The following COPG2 variants were observed in gnomAD, a reference collection of about 807,000 sequenced individuals.
The protein encoded by COPG2 is coat protein complex I subunit gamma 2.
COPG2 carries 37 observed loss-of-function variants against 46.3 expected under a neutral mutation model. The observed-to-expected ratio is 0.80, with a 90% CI of 0.61 to 1.05. COPG2 has a LOEUF of 1.05. Ranked by LOEUF, COPG2 falls within the 50% of genes least tolerant of loss-of-function variation. The pLI is 0.00. For synonymous variants in COPG2, 159 were observed against 129.7 expected (o/e 1.23, Z -1.53); for missense variants, 427 against 387.8 (o/e 1.10, Z -0.85).
At chr7:130,641,175 CAAAAAAAAAAA>C (rs34617870) in intron 5 of COPG2, among the ~76,000 whole-genome samples, 1 of 87,952 alleles carries the variant, frequency 1.1e-5, no homozygotes, top group African/African-American at 5.5e-5. Context: ...CCCTACCTCT[CAAAAAAAAAAA>C]AAAAAAAAAG....
intron 9 of COPG2, among the ~76,000 whole-genome samples, chr7:130,568,135 C>T (rs1018961201): frequency 6.6e-6 from 1 of 152,056 alleles, no homozygotes; most frequent in Non-Finnish European, 1.5e-5. Context: ...ATTAGCTGGG[C>T]ATGGTGGTGG....
chr7:130,512,052 T>TAAAAAAAAAA (rs1182017221), intron 20 of COPG2, among the ~76,000 whole-genome samples: 5 of 99,152 alleles, frequency 5.0e-5, no homozygotes, highest in African/African-American at 2.3e-4. Flanking sequence ...CTGTGTCTTC[T>TAAAAAAAAAA]AAAAAAAAAA....
intron 9 of COPG2, among the ~76,000 whole-genome samples, chr7:130,580,603 A>C (rs1396083248): frequency 1.7e-4 from 20 of 116,386 alleles, no homozygotes; most frequent in Non-Finnish European, 3.1e-4. Context: ...CGCTAGCAAG[A>C]CTAATAAAGA....
At chr7:130,646,983 GTATATATATATATGTGTATATATATA>G (rs1795616190) in intron 5 of COPG2, among the ~76,000 whole-genome samples, 2 of 18,444 alleles carry the variant, frequency 1.1e-4, no homozygotes, top group South Asian at 0.025. Flanking sequence ...ATATATATAT[GTATATATATATATGTGTATATATATA>G]TGTATATATA....
rs1188339782 is a variant in COPG2 at position 130,586,963 on chromosome 7, T to A, written c.738-22570A>T. On this transcript the variant is annotated intron_variant, in intron 9 of 23. Transcript: ENST00000425248. ...TTTTAAAAGCAGTTTATAAATTACA[T>A]ATAATTCCTATCCTTTAATATTAAC... Among the ~76,000 whole-genome samples, 3 of 151,980 alleles carry A rather than the reference T, an allele frequency of 2.0e-5. 1 individual carries two copies. Among genetic ancestry groups the A allele is most frequent in the Non-Finnish European group, 4.4e-5 (3 of 67,974 alleles).
At chr7:130,627,853 T>A (rs942137462) in intron 5 of COPG2, among the ~76,000 whole-genome samples, 28 of 152,264 alleles carry the variant, frequency 1.8e-4, no homozygotes, top group African/African-American at 6.7e-4. Flanking sequence ...GCAGTTTTTC[T>A]TTTTACTCAA....
chr7:130,641,175 C>CAAAAAAAAAA, intron 5 of COPG2, among the ~76,000 whole-genome samples: 1 of 87,926 alleles, frequency 1.1e-5, no homozygotes, highest in Non-Finnish European at 2.0e-5. Context: ...CCCTACCTCT[C>CAAAAAAAAAA]AAAAAAAAAA....
intron 5 of COPG2, among the ~76,000 whole-genome samples, chr7:130,629,336 G>A (rs1166096376): frequency 6.6e-6 from 1 of 151,568 alleles, no homozygotes; most frequent in Non-Finnish European, 1.5e-5. Context: ...GGAAAAAAAT[G>A]GCCATTATTA....
chr7:130,541,100 AGGCATCAGGGTCAAGACTGTCAGGTGTG>A (rs1799931719), intron 20 of COPG2, among the ~76,000 whole-genome samples: 1 of 152,182 alleles, frequency 6.6e-6, no homozygotes, highest in Non-Finnish European at 1.5e-5. Flanking sequence ...GGGCTGATGG[AGGCATCAGGGTCAAGACTGTCAGGTGTG>A]GGAACACAGT....
intron 5 of COPG2, among the ~76,000 whole-genome samples, chr7:130,626,944 C>T (rs1795131342): frequency 6.6e-6 from 1 of 152,108 alleles, no homozygotes; most frequent in Admixed American, 6.5e-5. Context: ...AGTGCAGTAG[C>T]ACGATACTGG....
At chr7:130,631,122 T>G (rs1795219767) in intron 5 of COPG2, among the ~76,000 whole-genome samples, 1 of 152,096 alleles carries the variant, frequency 6.6e-6, no homozygotes, top group Non-Finnish European at 1.5e-5. Context: ...ATCTTGCTAT[T>G]TCTTTTCCAT....
chr7:130,648,901 T>C (rs1239090324), intron 5 of COPG2, among the ~76,000 whole-genome samples: 2 of 152,206 alleles, frequency 1.3e-5, no homozygotes, highest in Non-Finnish European at 2.9e-5. Context: ...CTTCATCCTC[T>C]CATTTCTTTT....
chr7:130,603,213 C>T (rs1794670410), intron 9 of COPG2, among the ~76,000 whole-genome samples: 1 of 152,064 alleles, frequency 6.6e-6, no homozygotes, highest in Non-Finnish European at 1.5e-5. Context: ...ACTTTCAATA[C>T]CACAGGTTAG....
chr7:130,622,575 A>G (rs370209481), intron 5 of COPG2, among the ~76,000 whole-genome samples: 2 of 152,182 alleles, frequency 1.3e-5, no homozygotes, highest in South Asian at 2.1e-4. Context: ...GGTAGCAATC[A>G]CTATTTCTAC....
intron 9 of COPG2, among the ~76,000 whole-genome samples, chr7:130,577,981 T>C (rs1450393298): frequency 1.3e-5 from 2 of 152,204 alleles, no homozygotes; most frequent in African/African-American, 4.8e-5. Flanking sequence ...AAGCTCCAAC[T>C]GGGTGGAGCC....
rs1428278231 is a variant in COPG2 at position 130,644,308 on chromosome 7, C to G, written c.323+8561G>C. 2.0e-5 allele frequency among the ~76,000 whole-genome samples: 3 copies of G among 152,108 alleles called. No individual in the cohort carries two copies. The South Asian group carries it at 6.2e-4, about 32-fold the overall frequency. On this transcript the variant is annotated intron_variant, in intron 5 of 23. Coordinates refer to ENST00000425248, the MANE Select transcript of COPG2 (RefSeq NM_012133.6). ...GACTAGTATCCCTTTTGCATCTAAT[C>G]ACTTTGTGGGATGGCAGATGGTTCT...
At chr7:130,645,076 A>C (rs1193924054) in intron 5 of COPG2, 4 of 374,102 alleles carry the variant, frequency 1.1e-5, no homozygotes, top group African/African-American at 4.3e-5. Context: ...AACAAAAAAA[A>C]AAAAAAAAAG....
At chr7:130,553,954 G>A (rs1233308747) in intron 14 of COPG2, among the ~76,000 whole-genome samples, 2 of 152,268 alleles carry the variant, frequency 1.3e-5, no homozygotes, top group Non-Finnish European at 2.9e-5. Context: ...AAAATTACTT[G>A]AGGATTTTTA....
chr7:130,520,188 G>A (rs1799712974), intron 20 of COPG2, among the ~76,000 whole-genome samples: 2 of 152,146 alleles, frequency 1.3e-5, no homozygotes, highest in East Asian at 1.9e-4. Context: ...GAATATTTAC[G>A]ATATGGCAGG....
Sources: allele counts gnomAD v4.1 joint callset (sites outside exome capture counted in the v4.1 genomes callset), GRCh38; gene constraint gnomAD v4.1.1; transcripts MANE v1.5; gene names NCBI Gene and HGNC (gene_info 2026-07-23, HGNC 2026-07-21).